Variants in PCDHGA12 observed in about 807,000 individuals in gnomAD.
The protein encoded by PCDHGA12 is protocadherin gamma subfamily A, 12, also known as protocadherin gamma-A12.
PCDHGA12 carries 43 observed loss-of-function variants against 61.1 expected under a neutral mutation model. The observed-to-expected ratio is 0.70, with a 90% CI of 0.55 to 0.91. The LOEUF (loss-of-function observed/expected upper bound fraction) is 0.91. Ranked by LOEUF, PCDHGA12 falls within the 40% of genes least tolerant of loss-of-function variation. The pLI is 0.00. For synonymous variants in PCDHGA12, 520 were observed against 542.9 expected (o/e 0.96, Z 0.59); for missense variants, 1,236 against 1,227.7 (o/e 1.01, Z -0.10).
intron 1 of PCDHGA12, chr5:141,440,247 T>C (rs1158469276): frequency 1.3e-5 from 2 of 152,296 alleles, no homozygotes; most frequent in Non-Finnish European, 2.9e-5. Context: ...GGCGAGCAGA[T>C]TACGAGGTCA....
rs1419985074 is a variant in PCDHGA12, at chr5:141,431,009, T to C, written c.250T>C (p.Leu84=). Residue 84 remains leucine (L), a synonymous_variant, in exon 1 of 4, where the codon TTG becomes CTG. Transcript: ENST00000252085. The surrounding 1 kb of genome is among the most constrained non-coding windows in gnomAD (Gnocchi z 4.8). ...CGCCCTGAATCCGCGCAGCGGCAGC[T>C]TGGTCACGGCGGGCAGGATAGACCG... ...LFALNPRSGS[L]VTAGRIDREE... The C allele has an allele frequency of 3.7e-6, 6 of 1,613,884 alleles. No individual in the cohort carries two copies. Among genetic ancestry groups the C allele is most frequent in the Non-Finnish European group, 5.1e-6 (6 of 1,179,984 alleles).
chr5:141,484,552 G>T (rs2099597743), intron 1 of PCDHGA12, among the ~76,000 whole-genome samples: 1 of 152,138 alleles, frequency 6.6e-6, no homozygotes, highest in African/African-American at 2.4e-5. Context: ...CTAATTAGCA[G>T]TTGCTCCAAT....
intron 1 of PCDHGA12, among the ~76,000 whole-genome samples, chr5:141,484,369 G>A (rs1218433750): frequency 6.6e-6 from 1 of 152,164 alleles, no homozygotes; most frequent in Non-Finnish European, 1.5e-5. Flanking sequence ...TGTATCACTA[G>A]CAAATGTCTG....
chr5:141,505,118 C>T (rs544825360), intron 2 of PCDHGA12, among the ~76,000 whole-genome samples: 32 of 152,222 alleles, frequency 2.1e-4, no homozygotes, highest in African/African-American at 7.5e-4. Flanking sequence ...GCCAAGATCG[C>T]GCCACTGCAC....
At chr5:141,458,172 T>C (rs1023447659) in intron 1 of PCDHGA12, among the ~76,000 whole-genome samples, 2 of 152,216 alleles carry the variant, frequency 1.3e-5, no homozygotes, top group African/African-American at 4.8e-5. Flanking sequence ...CACAGTAGTA[T>C]ACCTTACTTG....
intron 1 of PCDHGA12, among the ~76,000 whole-genome samples, chr5:141,474,294 G>A (rs535055214): frequency 1.3e-5 from 2 of 152,296 alleles, no homozygotes; most frequent in African/African-American, 4.8e-5. Context: ...CTAGATCAGT[G>A]CTTGTCAAAC....
chr5:141,449,497 G>A (rs903338878), intron 1 of PCDHGA12, among the ~76,000 whole-genome samples: 4 of 149,856 alleles, frequency 2.7e-5, no homozygotes, highest in African/African-American at 9.9e-5. Flanking sequence ...GGTGAGGCAT[G>A]AGAAATGCTT....
chr5:141,492,398 C>T (rs1347317333), intron 1 of PCDHGA12, among the ~76,000 whole-genome samples: 2 of 152,244 alleles, frequency 1.3e-5, no homozygotes, highest in Non-Finnish European at 1.5e-5. Flanking sequence ...CCACTCGCAG[C>T]TCCCCTCTGC....
rs549842756 is a variant in PCDHGA12 at position 141,470,331 on chromosome 5, A to T, written c.2425-24476A>T. ...TTTCCTCAAATGATCCCATAATTTG[A>T]CCTTAGGAAGCTGTTCAAATAGACA... is the stretch of plus-strand genomic sequence containing the variant. On this transcript the variant is annotated intron_variant, in intron 1 of 3. Transcript: ENST00000252085. 3.3e-4 allele frequency among the ~76,000 whole-genome samples: 50 copies of T among 152,244 alleles called. 1 individual carries two copies. Among genetic ancestry groups the T allele is most frequent in the African/African-American group, 1.1e-3 (47 of 41,536 alleles).
intron 1 of PCDHGA12, among the ~76,000 whole-genome samples, chr5:141,443,560 G>A (rs2098394386): frequency 6.6e-6 from 1 of 152,162 alleles, no homozygotes; most frequent in Non-Finnish European, 1.5e-5. Context: ...CAATTCAAAT[G>A]CTTTAAATGG....
At chr5:141,506,240 G>A (rs918820495) in intron 3 of PCDHGA12, among the ~76,000 whole-genome samples, 8 of 152,184 alleles carry the variant, frequency 5.3e-5, no homozygotes, top group Middle Eastern at 3.4e-3. Flanking sequence ...CATGAGGTCA[G>A]GAGTTCGAAA....
chr5:141,503,781 G>A (rs1393561411), intron 2 of PCDHGA12, among the ~76,000 whole-genome samples: 1 of 152,110 alleles, frequency 6.6e-6, no homozygotes, highest in East Asian at 1.9e-4. Flanking sequence ...TTCTTAGGCT[G>A]AGTTCATCTA....
At chr5:141,505,935 C>T (rs2099849264) in intron 3 of PCDHGA12, among the ~76,000 whole-genome samples, 1 of 152,146 alleles carries the variant, frequency 6.6e-6, no homozygotes, top group African/African-American at 2.4e-5. Flanking sequence ...CGCTTGGAAG[C>T]CCTCAAGCAA....
At chr5:141,494,926 G>C in intron 2 of PCDHGA12, 61 bp downstream of exon 2, 2 of 1,613,498 alleles carry the variant, frequency 1.2e-6, no homozygotes, top group Non-Finnish European at 1.7e-6. Context: ...GGATGACGTG[G>C]GAGGAGATGG....
In PCDHGA12 at chr5:141,490,291, C is replaced by T; in HGVS notation, c.2425-4516C>T. 6.2e-7 allele frequency: 1 copy of T among 1,614,212 alleles called. No homozygotes were observed. Among genetic ancestry groups the T allele is most frequent in the Non-Finnish European group, 8.5e-7 (1 of 1,180,048 alleles). On this transcript the variant is annotated intron_variant, in intron 1 of 3. Transcript: ENST00000252085. The surrounding 1 kb of genome is among the most constrained non-coding windows in gnomAD (Gnocchi z 5.4). ...TGTCAATGACAATGCCCCAGAGGTG[C>T]TATTGGCCTCTTTGGCCAACCCTGT...
Position 141,454,887 on chromosome 5 carries a change from T to C in PCDHGA12, c.2424+21704T>C, listed in dbSNP as rs1291501766. Among the ~76,000 whole-genome samples, 3 of 138,310 alleles carry C rather than the reference T, an allele frequency of 2.2e-5. No homozygotes were observed. The Admixed American group carries it at 2.3e-4, about 11-fold the overall frequency. 90.7% of individuals were successfully genotyped at this position (138,310 alleles called of 152,430 possible). A position where few individuals can be genotyped will look rare whatever the true frequency, so the allele number is the denominator to read the frequency against. ...CAGTGGCACGATCTTGGCTCACTGC[T>C]AGCACCGCCTCCCGGGTTCACGCCA... On this transcript the variant is annotated intron_variant, in intron 1 of 3. Coordinates refer to ENST00000252085, the MANE Select transcript of PCDHGA12 (RefSeq NM_003735.3).
At chr5:141,509,077 C>A (rs1371396735) in intron 3 of PCDHGA12, among the ~76,000 whole-genome samples, 3 of 152,242 alleles carry the variant, frequency 2.0e-5, no homozygotes, top group Admixed American at 2.0e-4. Flanking sequence ...CGGGGATTTG[C>A]GACATGAAAT....
At chr5:141,478,068 A>T (rs560968418) in intron 1 of PCDHGA12, 1 of 1,614,134 alleles carries the variant, frequency 6.2e-7, no homozygotes, top group East Asian at 2.2e-5. Flanking sequence ...ATCAAAGACA[A>T]TGGGGAGCCT....
At chr5:141,447,824 G>A (rs926580893) in intron 1 of PCDHGA12, among the ~76,000 whole-genome samples, 7 of 152,034 alleles carry the variant, frequency 4.6e-5, no homozygotes, top group Admixed American at 1.3e-4. Flanking sequence ...GGTGGCTCAC[G>A]CCTGTAATCC....
Sources: allele counts gnomAD v4.1 joint callset (sites outside exome capture counted in the v4.1 genomes callset), GRCh38; gene constraint gnomAD v4.1.1; non-coding constraint Gnocchi (gnomAD v3.1); transcripts MANE v1.5; gene names NCBI Gene and HGNC (gene_info 2026-07-23, HGNC 2026-07-21).